The following SLC52A3 variants were observed in gnomAD, a reference collection of about 807,000 sequenced individuals.
The protein encoded by SLC52A3 is solute carrier family 52 member 3, also known as solute carrier family 52, riboflavin transporter, member 3.
SLC52A3 carries 20 observed loss-of-function variants against 29.5 expected under a neutral mutation model. The observed-to-expected ratio is 0.68, with a 90% confidence interval of 0.48 to 0.99. The LOEUF (loss-of-function observed/expected upper bound fraction) is 0.99, where lower values mean the gene tolerates loss of function less well. SLC52A3 is among the 50% of genes least tolerant of loss of function. The pLI is 0.00. For missense variants in SLC52A3, 548 were observed against 612.9 expected (o/e 0.89, Z 1.12); for synonymous variants, 301 against 271.0 (o/e 1.11, Z -1.09).
chr20:777,167 C>T (rs756144727), upstream of SLC52A3, among the ~76,000 whole-genome samples: 29 of 151,792 alleles, frequency 1.9e-4, no homozygotes, highest in Middle Eastern at 0.01. Flanking sequence ...GCCCGGGAGG[C>T]GGAGGTTGCA....
upstream of SLC52A3, among the ~76,000 whole-genome samples, chr20:770,771 G>A (rs1387904145): frequency 3.3e-5 from 5 of 152,212 alleles, no homozygotes; most frequent in Non-Finnish European, 7.3e-5. The surrounding 1 kb of genome is among the most constrained non-coding windows in gnomAD (Gnocchi z 4.5). Flanking sequence ...AATAATAAAA[G>A]CGAGGTATTT....
chr20:761,675 A>G (rs1269984239), intron 4 of SLC52A3, 26 bp downstream of exon 4: 1 of 1,612,692 alleles, frequency 6.2e-7, no homozygotes, highest in Non-Finnish European at 8.5e-7. Context: ...ACGCAGCGGG[A>G]GCAGCCCCAC....
At chr20:776,001 C>T (rs1160998695) in exon 1 of SLC52A3, 1 of 152,314 alleles carries the variant, frequency 6.6e-6, no homozygotes, top group African/African-American at 2.4e-5. Context: ...GGGCCAGAGG[C>T]AGCTCGTTTT....
chr20:766,870 A>G (rs1260498373), intron 1 of SLC52A3, among the ~76,000 whole-genome samples: 1 of 152,230 alleles, frequency 6.6e-6, no homozygotes, highest in African/African-American at 2.4e-5. Context: ...GGATATGAAC[A>G]ATTCAGAGAA....
At chr20:771,034 G>A (rs2055094248), upstream of SLC52A3, among the ~76,000 whole-genome samples, 1 of 152,238 alleles carries the variant, frequency 6.6e-6, no homozygotes, top group South Asian at 2.1e-4. Context: ...TTTTGCCTGT[G>A]TTGAACTGTT....
intron 3 of SLC52A3, among the ~76,000 whole-genome samples, chr20:762,700 A>C (rs1412928642): frequency 2.0e-5 from 3 of 152,236 alleles, no homozygotes; most frequent in Admixed American, 6.5e-5. Context: ...TCCTCTTTCC[A>C]GTTTCTAGGT....
At chr20:769,589 G>A (rs1294310581), upstream of SLC52A3, among the ~76,000 whole-genome samples, 1 of 152,172 alleles carries the variant, frequency 6.6e-6, no homozygotes, top group African/African-American at 2.4e-5. Flanking sequence ...AAACGTATCA[G>A]TTGCATTCAA....
chr20:760,339 G>C lies in SLC52A3; in HGVS notation c.*687C>G, dbSNP rs897402119. On this transcript the variant is annotated 3_prime_UTR_variant, in exon 5 of 5. Transcript: ENST00000645534. This position sits in a 1 kb window ranked among gnomAD's most constrained non-coding sequence, Gnocchi z 4.9. ...TATGGGCCAGGAAGGATGACAGGAAGGGGTGTGTGGGGTACTACGTCCCTC... is the reference window on the plus strand; with the variant it reads ...TATGGGCCAGGAAGGATGACAGGAACGGGTGTGTGGGGTACTACGTCCCTC... The C allele has an allele frequency of 1.3e-5, 2 of 152,194 alleles. No individual in the cohort carries two copies. Among genetic ancestry groups the C allele is most frequent in the Non-Finnish European group, 2.9e-5 (2 of 68,092 alleles). The allele number at this position is 152,194 out of a possible 1,614,324, so 9.4% of individuals were successfully genotyped here. A position where few individuals can be genotyped will look rare whatever the true frequency, so the allele number is the denominator to read the frequency against.
intron 3 of SLC52A3, among the ~76,000 whole-genome samples, chr20:762,499 TCCCAATCTCTAGAAC>T (rs936878800): frequency 5.3e-5 from 8 of 152,150 alleles, no homozygotes; most frequent in African/African-American, 1.4e-4. Context: ...GTCCCTGGGG[TCCCAATCTCTAGAAC>T]CCCAAGACTG....
chr20:765,742 G>T lies in SLC52A3; in HGVS notation c.33C>A (p.Val11=), dbSNP rs1415734005. The T allele has an allele frequency of 6.8e-6, 11 of 1,611,814 alleles. No homozygotes were observed. The highest frequency in any genetic ancestry group is 9.3e-6 in the Non-Finnish European group (11 of 1,179,490). The change falls in exon 2 of 5, where the codon GTC becomes GTA. Residue 11 remains valine (V), a synonymous_variant. Transcript: ENST00000645534. The surrounding 1 kb of genome is among the most constrained non-coding windows in gnomAD (Gnocchi z 6.6). ...TGGTCACCCAGGAGCCCATTCCGAAGACGCAGACCAGCAGGTGCATCAGGA... is the reference window on the plus strand; with the variant it reads ...TGGTCACCCAGGAGCCCATTCCGAATACGCAGACCAGCAGGTGCATCAGGA... The part of the protein sequence containing the change: MAFLMHLLVC[V]FGMGSWVTIN...
upstream of SLC52A3, chr20:768,765 G>A (rs1273610219): frequency 6.6e-6 from 1 of 152,326 alleles, no homozygotes; most frequent in East Asian, 1.9e-4. Context: ...CCCTCCCTTA[G>A]GAAGCTGACT....
intron 4 of SLC52A3, chr20:761,472 T>C: frequency 1.4e-6 from 1 of 736,552 alleles, no homozygotes; most frequent in Non-Finnish European, 2.2e-6. Context: ...CAAGGGCCCT[T>C]GAGAGAAGGC....
rs751825591 is a variant in SLC52A3, at chr20:765,560, A to T, written c.215T>A (p.Val72Glu). 3.0e-5 allele frequency: 47 copies of T among 1,578,682 alleles called. No individual in the cohort carries two copies. The highest frequency in any genetic ancestry group is 1.7e-4 in the Middle Eastern group (1 of 6,028). Reference protein sequence around the residue: ...HHFRPSCLSEVPIIFTLLGVG... With the variant: ...HHFRPSCLSEEPIIFTLLGVG... ...GCCCAGCAGGGTGAAGATGATGGGC[A>T]CTTCGGAAAGGCAGCTGGGCCGGAA... Residue 72 changes from valine to glutamate, a missense_variant, in exon 2 of 5, where the codon GTG (valine) becomes GAG (glutamate). Val to Glu is a moderately radical substitution (Grantham distance 121). Around this residue, in one of 2 missense-constraint regions of SLC52A3, gnomAD observed 375 missense variants for 471.1 expected, o/e 0.80. Coordinates refer to ENST00000645534, the MANE Select transcript of SLC52A3 (RefSeq NM_033409.4). This position sits in a 1 kb window ranked among gnomAD's most constrained non-coding sequence, Gnocchi z 6.6.
At chr20:772,922 C>T (rs1229307734), upstream of SLC52A3, among the ~76,000 whole-genome samples, 12 of 152,252 alleles carry the variant, frequency 7.9e-5, no homozygotes, top group African/African-American at 4.8e-5. Context: ...CCCTGGGGTG[C>T]GGCCACACCT....
upstream of SLC52A3, among the ~76,000 whole-genome samples, chr20:776,734 T>C (rs1194207704): frequency 6.6e-6 from 1 of 151,924 alleles, no homozygotes; most frequent in Non-Finnish European, 1.5e-5. Context: ...GAGGGGTTTT[T>C]CAAAGGCAGT....
At chr20:769,991 A>G (rs1451037336), upstream of SLC52A3, among the ~76,000 whole-genome samples, 4 of 152,186 alleles carry the variant, frequency 2.6e-5, no homozygotes, top group Non-Finnish European at 5.9e-5. Flanking sequence ...GTAGCTGCAC[A>G]TGGCCATGTC....
chr20:765,906 C>G lies in SLC52A3; in HGVS notation c.-51-81G>C. The G allele has an allele frequency of 1.2e-6, 1 of 809,570 alleles. No individual in the cohort carries two copies. Among genetic ancestry groups the G allele is most frequent in the Non-Finnish European group, 2.0e-6 (1 of 494,396 alleles). 50.1% of individuals were successfully genotyped at this position (809,570 alleles called of 1,614,324 possible). On this transcript the variant is annotated intron_variant, in intron 1 of 4. Transcript: ENST00000645534. The surrounding 1 kb of genome is among the most constrained non-coding windows in gnomAD (Gnocchi z 6.6). Reference sequence around the variant, plus strand: ...TGGGACCTGGGGCCCAGAGTTTTCTCTTATTACTCCCCTTCCTGTGAACAA... The same window carrying G: ...TGGGACCTGGGGCCCAGAGTTTTCTGTTATTACTCCCCTTCCTGTGAACAA...
intron 3 of SLC52A3, 66 bp from the exon 4 acceptor site, chr20:761,890 G>C (rs923531089): frequency 2.2e-5 from 35 of 1,610,396 alleles, no homozygotes; most frequent in Middle Eastern, 1.7e-4. Flanking sequence ...CGCCCCACTG[G>C]GCGGCATGTG....
At chr20:769,415 G>C (rs35534336), upstream of SLC52A3, among the ~76,000 whole-genome samples, 11,977 of 152,206 alleles carry the variant, frequency 0.079, 630 homozygotes, top group Non-Finnish European at 0.12. Flanking sequence ...AGCTGAGCAA[G>C]TGACCTAACC....
Sources: gnomAD v4.1 joint callset for allele counts (sites outside exome capture counted in the v4.1 genomes callset) on GRCh38, gnomAD v4.1.1 for gene constraint, gnomAD v4.1.1 regional missense constraint, Gnocchi (gnomAD v3.1) non-coding constraint, MANE v1.5 for transcripts, NCBI Gene and HGNC (gene_info 2026-07-23, HGNC 2026-07-21) for gene names.